Variants in OXCT1 observed in about 807,000 individuals in gnomAD.
OXCT1 encodes the protein 3-oxoacid CoA-transferase 1, also known as succinyl-CoA:3-ketoacid coenzyme A transferase 1, mitochondrial.
A neutral mutation model predicts 69.6 loss-of-function variants in OXCT1; 27 were observed. The ratio of observed to expected loss-of-function variants is 0.39; its 90% CI spans 0.29 to 0.54. The LOEUF (loss-of-function observed/expected upper bound fraction) is 0.54. Ranked by LOEUF, OXCT1 falls within the 20% of genes least tolerant of loss-of-function variation. The pLI is 0.72. For synonymous variants in OXCT1, 202 were observed against 217.8 expected (o/e 0.93, Z 0.64); for missense variants, 437 against 650.2 (o/e 0.67, Z 3.57).
chr5:41,794,304 A>T, intron 12 of OXCT1: 1 of 603,106 alleles, frequency 1.7e-6, no homozygotes, highest in Non-Finnish European at 2.9e-6. Flanking sequence ...CAAACTATGA[A>T]CAGGTGTACA....
intron 16 of OXCT1, among the ~76,000 whole-genome samples, chr5:41,734,172 A>T (rs2111970264): frequency 6.6e-6 from 1 of 152,334 alleles, no homozygotes; most frequent in African/African-American, 2.4e-5. Flanking sequence ...GGCTCTTGGG[A>T]GCAAGAACCA....
intron 13 of OXCT1, among the ~76,000 whole-genome samples, chr5:41,771,534 T>C (rs116702611): frequency 0.012 from 1,823 of 152,314 alleles, 14 homozygotes; most frequent in Non-Finnish European, 0.019. Context: ...AACGTACTCC[T>C]AGCTCTGTTC....
chr5:41,761,064 A>G (rs1744323036), intron 14 of OXCT1, among the ~76,000 whole-genome samples: 2 of 152,270 alleles, frequency 1.3e-5, no homozygotes, highest in Middle Eastern at 3.4e-3. Context: ...TTTAAAACTA[A>G]GAATGATAAA....
chr5:41,839,959 T>A (rs1363709137), intron 7 of OXCT1, among the ~76,000 whole-genome samples: 1 of 152,220 alleles, frequency 6.6e-6, no homozygotes. Flanking sequence ...TGCAGAATTA[T>A]CCAAGCCCCT....
intron 13 of OXCT1, among the ~76,000 whole-genome samples, chr5:41,782,632 G>T (rs1404821673): frequency 2.0e-5 from 3 of 152,008 alleles, no homozygotes; most frequent in Non-Finnish European, 2.9e-5. Context: ...GTTCCTTCCA[G>T]ACTCTGGATA....
At chr5:41,859,919 C>T (rs1749660564) in intron 3 of OXCT1, among the ~76,000 whole-genome samples, 1 of 117,634 alleles carries the variant, frequency 8.5e-6, no homozygotes, top group Admixed American at 8.7e-5. Context: ...CACACACACA[C>T]ACACAAGTAA....
At chr5:41,776,266 G>C (rs1175530298) in intron 13 of OXCT1, among the ~76,000 whole-genome samples, 1 of 152,182 alleles carries the variant, frequency 6.6e-6, no homozygotes, top group African/African-American at 2.4e-5. Flanking sequence ...TGAGAAACTG[G>C]CACAGATCAG....
chr5:41,824,669 C>A (rs908512888), intron 7 of OXCT1, among the ~76,000 whole-genome samples: 1 of 152,248 alleles, frequency 6.6e-6, no homozygotes, highest in South Asian at 2.1e-4. Flanking sequence ...CTTTTTATAG[C>A]AGAAGCTGAG....
In OXCT1 at chr5:41,749,606, C is replaced by T; in HGVS notation, c.1340G>A (p.Gly447Glu). Residue 447 changes from glycine to glutamate, a missense_variant and splice_region_variant, in exon 15 of 17, where the codon GGA (glycine) becomes GAA (glutamate). Gly to Glu is a moderately conservative substitution (Grantham distance 98, BLOSUM62 -2). This residue lies in a region of OXCT1 where 102 missense variants were observed against 162.1 expected (regional missense o/e 0.63). Coordinates refer to ENST00000196371, the MANE Select transcript of OXCT1 (RefSeq NM_000436.4). Reference sequence around the variant, plus strand: ...TTTCTCCATGATTTTATGTGCATTTCCCTGTTTTAAAAAGAAAACATCAAA... The same window carrying T: ...TTTCTCCATGATTTTATGTGCATTTTCCTGTTTTAAAAAGAAAACATCAAA... ...VVVTMEHSAK[G>E]NAHKIMEKCT... 1 of 1,598,198 alleles carries T rather than the reference C, an allele frequency of 6.3e-7. No individual in the cohort carries two copies. Among genetic ancestry groups the T allele is most frequent in the Non-Finnish European group, 8.6e-7 (1 of 1,166,922 alleles).
chr5:41,865,484 GT>G (rs1381248429), intron 1 of OXCT1, among the ~76,000 whole-genome samples: 1 of 152,112 alleles, frequency 6.6e-6, no homozygotes, highest in African/African-American at 2.4e-5. Context: ...GCAGGTACTT[GT>G]TTTTTTCATT....
Position 41,831,304 on chromosome 5 carries a change from C to T in OXCT1, c.732+9147G>A, listed in dbSNP as rs114689596. 1.9e-3 allele frequency among the ~76,000 whole-genome samples: 289 copies of T among 152,288 alleles called. 1 individual carries two copies. Among genetic ancestry groups the T allele is most frequent in the South Asian group, 4.1e-3 (20 of 4,826 alleles). On this transcript the variant is annotated intron_variant, in intron 7 of 16. Coordinates refer to ENST00000196371, the MANE Select transcript of OXCT1 (RefSeq NM_000436.4). ...CTACTCATTTGGCCCTAAAAGGCTCCACCATCAGTTAGCTGCAAATCTAGC... is the reference window on the plus strand; with the variant it reads ...CTACTCATTTGGCCCTAAAAGGCTCTACCATCAGTTAGCTGCAAATCTAGC...
chr5:41,759,950 C>T (rs895676117), intron 14 of OXCT1, among the ~76,000 whole-genome samples: 4 of 152,086 alleles, frequency 2.6e-5, no homozygotes, highest in Non-Finnish European at 5.9e-5. Flanking sequence ...AGATTGCTCC[C>T]CTAGGCTGTT....
intron 14 of OXCT1, among the ~76,000 whole-genome samples, chr5:41,760,614 T>C (rs181439421): frequency 6.6e-6 from 1 of 152,148 alleles, no homozygotes; most frequent in Admixed American, 6.6e-5. Flanking sequence ...TGCCTTCGTG[T>C]GTCAATATTA....
chr5:41,795,541 A>G (rs1178039915), intron 11 of OXCT1, among the ~76,000 whole-genome samples: 1 of 152,234 alleles, frequency 6.6e-6, no homozygotes, highest in Non-Finnish European at 1.5e-5. Flanking sequence ...CAACATGAAC[A>G]TAAGAAGGAA....
chr5:41,753,312 C>CACACACACACACATAG (rs1743900875), intron 14 of OXCT1, among the ~76,000 whole-genome samples: 4 of 64,038 alleles, frequency 6.2e-5, no homozygotes, highest in African/African-American at 5.6e-4. Flanking sequence ...CACACATAGA[C>CACACACACACACATAG]ACACACACAC....
intron 15 of OXCT1, among the ~76,000 whole-genome samples, chr5:41,748,842 C>T (rs551480173): frequency 6.6e-6 from 1 of 152,166 alleles, no homozygotes; most frequent in Admixed American, 6.6e-5. Flanking sequence ...GGTACTGAAT[C>T]AAGAAAACAC....
Position 41,749,659 on chromosome 5 carries a change from T to C in OXCT1, c.1339-52A>G, listed in dbSNP as rs192386998. On this transcript the variant is annotated intron_variant, in intron 14 of 16. Transcript: ENST00000196371. Reference sequence around the variant, plus strand: ...GAGTAGTTAGGGAGCAATTTTTATTTAGAATTGGCATAACTATAGGATAAA... The same window carrying C: ...GAGTAGTTAGGGAGCAATTTTTATTCAGAATTGGCATAACTATAGGATAAA... 1,032 of 1,077,602 alleles carry C rather than the reference T, an allele frequency of 9.6e-4. 3 individuals carry two copies. Among genetic ancestry groups the C allele is most frequent in the Middle Eastern group, 6.0e-3 (28 of 4,670 alleles). 66.8% of individuals were successfully genotyped at this position (1,077,602 alleles called of 1,614,324 possible). A position where few individuals can be genotyped will look rare whatever the true frequency, so the allele number is the denominator to read the frequency against.
At chr5:41,838,143 G>A (rs74625288) in intron 7 of OXCT1, among the ~76,000 whole-genome samples, 1,997 of 152,250 alleles carry the variant, frequency 0.013, 36 homozygotes, top group African/African-American at 0.042. Context: ...GGCTTGAAAA[G>A]TCATAGCAAC....
chr5:41,848,589 T>C (rs1749036357), intron 5 of OXCT1, among the ~76,000 whole-genome samples: 1 of 148,046 alleles, frequency 6.8e-6, no homozygotes, highest in South Asian at 2.2e-4. Flanking sequence ...AACAGAGATA[T>C]AGATCAATGG....
Sources: gnomAD v4.1 joint callset for allele counts (sites outside exome capture counted in the v4.1 genomes callset) on GRCh38, gnomAD v4.1.1 for gene constraint, gnomAD v4.1.1 regional missense constraint, MANE v1.5 for transcripts, NCBI Gene and HGNC (gene_info 2026-07-23, HGNC 2026-07-21) for gene names.